The following IPO8 variants were observed in gnomAD, a reference collection of about 807,000 sequenced individuals.
The protein encoded by IPO8 is importin-8.
A neutral mutation model predicts 141.2 loss-of-function variants in IPO8; 65 were observed. That is an observed-to-expected ratio of 0.46 (90% CI 0.38 to 0.57). IPO8 has a LOEUF of 0.57. IPO8 is among the 20% of genes least tolerant of loss of function. The pLI, the probability that IPO8 is intolerant of heterozygous loss-of-function variation, is 0.00. For synonymous variants in IPO8, 411 were observed against 420.3 expected (o/e 0.98, Z 0.27); for missense variants, 980 against 1,246.8 (o/e 0.79, Z 3.22).
In IPO8 at chr12:30,673,969, T is replaced by C. The variant is rs764495992; in HGVS notation, c.909+21A>G. 2.0e-6 allele frequency: 3 copies of C among 1,472,368 alleles called. No homozygotes were observed. In the South Asian group the frequency reaches 3.8e-5, roughly 19 times the overall value. 91.2% of individuals were successfully genotyped at this position (1,472,368 alleles called of 1,614,324 possible). A position where few individuals can be genotyped will look rare whatever the true frequency, so the allele number is the denominator to read the frequency against. On this transcript the variant is annotated intron_variant, in intron 8 of 24. Coordinates refer to ENST00000256079, the MANE Select transcript of IPO8 (RefSeq NM_006390.4). ...TTTCAGTAGTAACCATTATTCTATT[T>C]TAAAAGCATAAGTTTATTACCTGCT...
rs2052736030 is a variant in IPO8 at position 30,652,156 on chromosome 12, A to G, written c.2172+36T>C. The G allele has an allele frequency of 3.2e-6, 4 of 1,232,290 alleles. No homozygotes were observed. The East Asian group carries it at 9.4e-5, about 29-fold the overall frequency. 76.3% of individuals were successfully genotyped at this position (1,232,290 alleles called of 1,614,324 possible). A position where few individuals can be genotyped will look rare whatever the true frequency, so the allele number is the denominator to read the frequency against. On this transcript the variant is annotated intron_variant, in intron 19 of 24. Transcript: ENST00000256079. ...GAAGCAAAACAGGCAAACATTAGTT[A>G]AGAACCACTGAAACAATAGATTAGG...
In IPO8 at chr12:30,659,876, C is replaced by T. The variant is rs2052860498; in HGVS notation, c.1881+1265G>A. ...TCTCAAAACAAAAAAAAAAAAAACCCACAAAATCAAAAAAAAAACCCAACA... is the reference window on the plus strand; with the variant it reads ...TCTCAAAACAAAAAAAAAAAAAACCTACAAAATCAAAAAAAAAACCCAACA... On this transcript the variant is annotated intron_variant, in intron 16 of 24. Transcript: ENST00000256079. Among the ~76,000 whole-genome samples the T allele has an allele frequency of 2.7e-5, 4 of 145,958 alleles. No individual in the cohort carries two copies. In the South Asian group the frequency reaches 8.8e-4, roughly 32 times the overall value.
At chr12:30,631,866 A>C in intron 24 of IPO8, 29 bp downstream of exon 24, 1 of 1,466,752 alleles carries the variant, frequency 6.8e-7, no homozygotes, top group Non-Finnish European at 9.5e-7. Flanking sequence ...TGACACATGC[A>C]CTCCACTCTG....
rs143377486 is a variant in IPO8, at chr12:30,690,509, T to C, written c.153A>G (p.Pro51=). The change falls in exon 2 of 25, where the codon CCA becomes CCG. Residue 51 remains proline, a synonymous_variant. Coordinates refer to ENST00000256079, the MANE Select transcript of IPO8 (RefSeq NM_006390.4). ...RIIVSDHVEF[P]VRQAAAIYLK... ...AAACCAACTCACCTGCCTGTCGTAC[T>C]GGGAATTCCACATGGTCAGAGACTA... The C allele has an allele frequency of 3.8e-6, 6 of 1,594,958 alleles. No homozygotes were observed. The African/African-American group carries it at 5.4e-5, about 14-fold the overall frequency.
At chr12:30,656,347 T>G (rs969566049) in intron 17 of IPO8, among the ~76,000 whole-genome samples, 3 of 152,190 alleles carry the variant, frequency 2.0e-5, no homozygotes, top group African/African-American at 7.2e-5. Context: ...CATTTCACAT[T>G]TCTGATTTTA....
intron 5 of IPO8, chr12:30,677,009 TAC>T: frequency 6.5e-7 from 1 of 1,529,516 alleles, no homozygotes; most frequent in Non-Finnish European, 8.8e-7. Flanking sequence ...GCATAATAAC[TAC>T]AGTCCACTTT....
intron 23 of IPO8, among the ~76,000 whole-genome samples, chr12:30,633,678 A>G (rs1220786529): frequency 6.6e-6 from 1 of 152,216 alleles, no homozygotes; most frequent in Non-Finnish European, 1.5e-5. Context: ...TACGGCAGCA[A>G]TTTCATTCTA....
At chr12:30,666,394 A>C (rs933895876) in intron 10 of IPO8, 143 bp from the exon 11 acceptor site, 1 of 490,526 alleles carries the variant, frequency 2.0e-6, no homozygotes, top group African/African-American at 2.0e-5. Context: ...AAAGGTAAGG[A>C]TATACAGTGG....
At chr12:30,631,061 T>C in intron 24 of IPO8, 104 bp from the exon 25 acceptor site, 1 of 704,466 alleles carries the variant, frequency 1.4e-6, no homozygotes, top group Non-Finnish European at 2.4e-6. Flanking sequence ...TGCTTAGAAC[T>C]GTGAAAGAAT....
chr12:30,656,696 T>C lies in IPO8; in HGVS notation c.1936A>G (p.Lys646Glu). 5.1e-6 allele frequency: 8 copies of C among 1,558,296 alleles called. No individual in the cohort carries two copies. Among genetic ancestry groups the C allele is most frequent in the Non-Finnish European group, 7.0e-6 (8 of 1,146,428 alleles). ...CLRIIDLVLQKHVIEFYEEIL... is the reference protein window; with the variant it reads ...CLRIIDLVLQEHVIEFYEEIL... ...CCTTTGAACTTACCAATTACATGTT[T>C]CTGCAGAACAAGATCAATGATCCGT... Residue 646 changes from lysine to glutamate, a missense_variant, in exon 17 of 25, where the codon AAA (lysine) becomes GAA (glutamate). Physicochemically the swap from Lys to Glu is moderately conservative, Grantham distance 56. Coordinates refer to ENST00000256079, the MANE Select transcript of IPO8 (RefSeq NM_006390.4).
chr12:30,639,112 A>C (rs1028046040), intron 21 of IPO8, among the ~76,000 whole-genome samples: 2 of 152,150 alleles, frequency 1.3e-5, no homozygotes, highest in Non-Finnish European at 2.9e-5. Context: ...GCAAAGAGTT[A>C]AACATTCTGT....
chr12:30,642,323 C>G (rs1004050044), intron 20 of IPO8, among the ~76,000 whole-genome samples: 1 of 152,110 alleles, frequency 6.6e-6, no homozygotes, highest in Admixed American at 6.6e-5. Context: ...GAAAAATGAT[C>G]TGTTGGGTAC....
In IPO8 at chr12:30,645,372, CAA is replaced by C. The variant is rs776070329; in HGVS notation, c.2268+3763_2268+3764del. Among the ~76,000 whole-genome samples the C allele has an allele frequency of 4.0e-3, 397 of 99,066 alleles. 4 individuals carry two copies. Among genetic ancestry groups the C allele is most frequent in the African/African-American group, 0.012 (333 of 28,794 alleles). The allele number at this position is 99,066 out of a possible 152,430, so 65.0% of individuals were successfully genotyped here. A position where few individuals can be genotyped will look rare whatever the true frequency, so the allele number is the denominator to read the frequency against. On this transcript the variant is annotated intron_variant, in intron 20 of 24. Coordinates refer to ENST00000256079, the MANE Select transcript of IPO8 (RefSeq NM_006390.4). ...TGGGTAACACAGCAAGACTTCATCT[CAA>C]AAAAAAAAAAAAAGAGACAGAGAGA... is the stretch of plus-strand genomic sequence containing the variant.
In IPO8 at chr12:30,663,657, G is replaced by A. The variant is rs750803577; in HGVS notation, c.1429-3C>T. The A allele has an allele frequency of 1.9e-6, 3 of 1,593,224 alleles. No homozygotes were observed. The highest frequency in any genetic ancestry group is 2.6e-6 in the Non-Finnish European group (3 of 1,173,482). On this transcript the variant is annotated splice_polypyrimidine_tract_variant and splice_region_variant and intron_variant, in intron 13 of 24. Coordinates refer to ENST00000256079, the MANE Select transcript of IPO8 (RefSeq NM_006390.4). The stretch of plus-strand genomic sequence containing the variant: ...AATGCATGAAGTACCCAGCAAGACT[G>A]TATTATTAAAAAAGGTAAGTAGGGA...
intron 5 of IPO8, among the ~76,000 whole-genome samples, chr12:30,680,104 C>CCCTTCTTCTTTT (rs137864155): frequency 0.02 from 2,964 of 151,740 alleles, 61 homozygotes; most frequent in African/African-American, 0.053. Flanking sequence ...AAGAGGGACT[C>CCCTTCTTCTTTT]CCTTCTTCTT....
chr12:30,640,657 T>C (rs1302392092), intron 20 of IPO8, among the ~76,000 whole-genome samples: 1 of 152,194 alleles, frequency 6.6e-6, no homozygotes, highest in Admixed American at 6.5e-5. Context: ...ATTATTACCA[T>C]GGTCAAATAA....
chr12:30,648,572 T>C (rs2052680043), intron 20 of IPO8, among the ~76,000 whole-genome samples: 1 of 152,156 alleles, frequency 6.6e-6, no homozygotes. Context: ...AAAACTATTA[T>C]AAGAAATACA....
chr12:30,642,943 T>C lies in IPO8; in HGVS notation c.2269-3208A>G, dbSNP rs112660213. 6.2e-3 allele frequency among the ~76,000 whole-genome samples: 950 copies of C among 152,284 alleles called. 10 individuals carry two copies. The highest frequency in any genetic ancestry group is 0.022 in the African/African-American group (918 of 41,550). ...AACACATAGAGTAAATTTGGATCTA[T>C]ACATTCATAAGGATACTAAAAATTT... On this transcript the variant is annotated intron_variant, in intron 20 of 24. Coordinates refer to ENST00000256079, the MANE Select transcript of IPO8 (RefSeq NM_006390.4).
At chr12:30,644,640 GTTTTTTTTTTTTGTTTTTTT>G (rs936546186) in intron 20 of IPO8, among the ~76,000 whole-genome samples, 2 of 89,556 alleles carry the variant, frequency 2.2e-5, no homozygotes, top group African/African-American at 1.1e-4. Flanking sequence ...GCTTTTTGGT[GTTTTTTTTTTTTGTTTTTTT>G]TTTTTTTTGG....
Sources: allele counts gnomAD v4.1 joint callset (sites outside exome capture counted in the v4.1 genomes callset), GRCh38; gene constraint gnomAD v4.1.1; transcripts MANE v1.5; gene names NCBI Gene and HGNC (gene_info 2026-07-23, HGNC 2026-07-21).